LRBA: variants seen among roughly 807,000 people sequenced by gnomAD.
LRBA encodes lipopolysaccharide-responsive and beige-like anchor protein.
Under a neutral mutation model 330.0 loss-of-function variants are expected in LRBA, and 176 were observed. The observed-to-expected ratio is 0.53, with a 90% CI of 0.47 to 0.60. The LOEUF is 0.60. Ranked by LOEUF, LRBA falls within the 20% of genes least tolerant of loss-of-function variation. The pLI, the probability that LRBA is intolerant of heterozygous loss-of-function variation, is 0.00. For missense variants in LRBA, 3,259 were observed against 3,444.8 expected (o/e 0.95, Z 1.35); for synonymous variants, 1,230 against 1,193.0 (o/e 1.03, Z -0.64).
At chr4:150,324,830 G>C (rs72953825) in intron 49 of LRBA, among the ~76,000 whole-genome samples, 3,364 of 152,016 alleles carry the variant, frequency 0.022, 106 homozygotes, top group African/African-American at 0.072. Flanking sequence ...TTTTATGAGG[G>C]ACAATTGAAA....
intron 37 of LRBA, among the ~76,000 whole-genome samples, chr4:150,683,203 T>G (rs1783204631): frequency 6.6e-6 from 1 of 152,106 alleles, no homozygotes; most frequent in South Asian, 2.1e-4. Flanking sequence ...CGTAAAAATT[T>G]GGCTATAAGT....
chr4:150,588,222 G>C, intron 39 of LRBA, 38 bp from the exon 40 acceptor site: 1 of 1,545,414 alleles, frequency 6.5e-7, no homozygotes, highest in Non-Finnish European at 8.7e-7. Context: ...AAGTTGGAAT[G>C]ACATTTTTCA....
chr4:150,984,208 T>G (rs564018623), intron 2 of LRBA, among the ~76,000 whole-genome samples: 2 of 152,198 alleles, frequency 1.3e-5, no homozygotes, highest in South Asian at 4.1e-4. Context: ...ATAAGAAAAT[T>G]TTTGCGATCT....
At chr4:150,271,904 C>A (rs949636942) in intron 56 of LRBA, among the ~76,000 whole-genome samples, 2 of 152,140 alleles carry the variant, frequency 1.3e-5, no homozygotes, top group South Asian at 4.1e-4. Flanking sequence ...GGACAGAGCA[C>A]CTGGGGGAAG....
intron 37 of LRBA, among the ~76,000 whole-genome samples, chr4:150,635,598 T>G (rs1441043501): frequency 6.6e-6 from 1 of 152,226 alleles, no homozygotes; most frequent in Non-Finnish European, 1.5e-5. Context: ...CAAACCTTAT[T>G]TCTTTTTTTA....
At chr4:150,882,360 T>G (rs1728489883) in intron 17 of LRBA, among the ~76,000 whole-genome samples, 1 of 152,188 alleles carries the variant, frequency 6.6e-6, no homozygotes, top group South Asian at 2.1e-4. Context: ...GTTTTGTTCT[T>G]ATTTAATGCA....
rs752949531 is a variant in LRBA, at chr4:150,490,577, CAA to C, written c.6448+339_6448+340del. The stretch of plus-strand genomic sequence containing the variant: ...AATCGTTATTGTCCTCTCCTCTCCC[CAA>C]ATGCAGCCACCTTCCAGAAGGAATT... On this transcript the variant is annotated intron_variant, in intron 41 of 56. Transcript: ENST00000651943. 3.3e-5 allele frequency among the ~76,000 whole-genome samples: 5 copies of C among 151,900 alleles called. No individual in the cohort carries two copies. The South Asian group carries it at 6.2e-4, about 19-fold the overall frequency.
At chr4:150,995,922 T>C (rs1039762829) in intron 2 of LRBA, among the ~76,000 whole-genome samples, 17 of 152,052 alleles carry the variant, frequency 1.1e-4, no homozygotes, top group Non-Finnish European at 1.5e-5. Context: ...CAGAAGGAAA[T>C]AAGAAAATAT....
chr4:150,289,557 C>T lies in LRBA; in HGVS notation c.8018-3523G>A, dbSNP rs775863685. 3.7e-4 allele frequency among the ~76,000 whole-genome samples: 57 copies of T among 152,178 alleles called. 1 individual carries two copies. The highest frequency in any genetic ancestry group is 1.0e-4 in the Non-Finnish European group (7 of 68,024). ...AGTCACTGGATTTCCAGTAAAAAGACAGCGCTACTTAACTTTCCTCACCTA... is the reference window on the plus strand; with the variant it reads ...AGTCACTGGATTTCCAGTAAAAAGATAGCGCTACTTAACTTTCCTCACCTA... On this transcript the variant is annotated intron_variant, in intron 53 of 56. Transcript: ENST00000651943.
intron 31 of LRBA, among the ~76,000 whole-genome samples, chr4:150,811,213 GATTA>G (rs1034222239): frequency 3.4e-4 from 51 of 152,218 alleles, no homozygotes; most frequent in African/African-American, 1.2e-3. Flanking sequence ...TGTTACCAGT[GATTA>G]ATTAAATAGT....
chr4:150,908,653 T>C lies in LRBA; in HGVS notation c.1359+7A>G. 1.2e-6 allele frequency: 2 copies of C among 1,607,612 alleles called. No homozygotes were observed. Among genetic ancestry groups the C allele is most frequent in the Non-Finnish European group, 1.7e-6 (2 of 1,176,220 alleles). ...TATAAATGTTCTTAAAAGATCACAG[T>C]TAGTACCTGGAGCATGAGTGCATGT... is the stretch of plus-strand genomic sequence containing the variant. On this transcript the variant is annotated splice_region_variant and intron_variant, in intron 10 of 56. Coordinates refer to ENST00000651943, the MANE Select transcript of LRBA (RefSeq NM_001364905.1).
At chr4:150,695,590 T>C (rs1013033882) in intron 36 of LRBA, among the ~76,000 whole-genome samples, 9 of 152,134 alleles carry the variant, frequency 5.9e-5, no homozygotes, top group African/African-American at 2.2e-4. Flanking sequence ...AGTGCTTGGA[T>C]TACAAGTGTG....
At chr4:150,585,845 A>G (rs1772047326) in intron 40 of LRBA, among the ~76,000 whole-genome samples, 1 of 152,226 alleles carries the variant, frequency 6.6e-6, no homozygotes, top group Non-Finnish European at 1.5e-5. Context: ...TGGAGGGATG[A>G]GCAGCAGGAT....
At chr4:150,809,909 CG>C (rs1560850278) in intron 31 of LRBA, among the ~76,000 whole-genome samples, 2 of 151,114 alleles carry the variant, frequency 1.3e-5, no homozygotes, top group East Asian at 1.9e-4. Context: ...CGATACGATA[CG>C]ATACGATACG....
At position 150,580,046 on chromosome 4, in the gene LRBA, T is replaced by A. The variant is rs1771081766; in HGVS notation, c.6330+8002A>T. The A allele has an allele frequency of 4.6e-5, 11 of 240,856 alleles. No individual in the cohort carries two copies. The South Asian group carries it at 4.9e-4, about 11-fold the overall frequency. The allele number at this position is 240,856 out of a possible 1,614,324, so 14.9% of individuals were successfully genotyped here. On this transcript the variant is annotated intron_variant, in intron 40 of 56. Transcript: ENST00000651943. ...CAGTTCCCAGAGCGCCGGCAAGGCCTCCCGGGTTAGAGCCGGGCTCCCACA... is the reference window on the plus strand; with the variant it reads ...CAGTTCCCAGAGCGCCGGCAAGGCCACCCGGGTTAGAGCCGGGCTCCCACA...
intron 37 of LRBA, among the ~76,000 whole-genome samples, chr4:150,624,172 T>C (rs1235860816): frequency 6.6e-6 from 1 of 152,166 alleles, no homozygotes; most frequent in Non-Finnish European, 1.5e-5. Flanking sequence ...TGCATTCTCA[T>C]GGTTTCCTAG....
At chr4:150,711,875 C>T (rs7698142) in intron 36 of LRBA, among the ~76,000 whole-genome samples, 122,113 of 152,064 alleles carry the variant, frequency 0.8, 51,313 homozygotes, top group Non-Finnish European at 0.94. Flanking sequence ...CAATAAAAGA[C>T]CTTTTAAAAT....
At chr4:150,548,410 A>G (rs976625492) in intron 40 of LRBA, among the ~76,000 whole-genome samples, 1 of 152,182 alleles carries the variant, frequency 6.6e-6, no homozygotes, top group Non-Finnish European at 1.5e-5. Context: ...CAAACCTGCT[A>G]TCTAAAGTAA....
chr4:150,505,167 C>G (rs1263369089), intron 40 of LRBA, among the ~76,000 whole-genome samples: 1 of 152,152 alleles, frequency 6.6e-6, no homozygotes, highest in Non-Finnish European at 1.5e-5. Flanking sequence ...TTAGACAGAT[C>G]AATGAGACAG....
Sources: allele counts gnomAD v4.1 joint callset (sites outside exome capture counted in the v4.1 genomes callset), GRCh38; gene constraint gnomAD v4.1.1; transcripts MANE v1.5; gene names NCBI Gene and HGNC (gene_info 2026-07-23, HGNC 2026-07-21).